Variants in SLC2A9 observed in about 807,000 individuals in gnomAD.
SLC2A9 encodes solute carrier family 2, facilitated glucose transporter member 9.
In SLC2A9, 39 loss-of-function variants were observed where a neutral mutation model predicts 50.6. The observed-to-expected ratio is 0.77, with a 90% CI of 0.60 to 1.01. The LOEUF is 1.01. Among genes scored for constraint, SLC2A9 ranks in the 50% least tolerant of loss-of-function variants. The pLI, the probability that SLC2A9 is intolerant of heterozygous loss-of-function variation, is 0.00. For synonymous variants in SLC2A9, 324 were observed against 276.9 expected (o/e 1.17, Z -1.69); for missense variants, 686 against 677.6 (o/e 1.01, Z -0.14).
At chr4:9,943,437 G>C (rs1015521832) in intron 5 of SLC2A9, among the ~76,000 whole-genome samples, 1 of 152,220 alleles carries the variant, frequency 6.6e-6, no homozygotes, top group African/African-American at 2.4e-5. Flanking sequence ...AGTTTCAGGA[G>C]GAGCTCTCGC....
chr4:10,008,352 G>C lies in SLC2A9; in HGVS notation c.249+10623C>G, dbSNP rs111936634. Among the ~76,000 whole-genome samples the C allele has an allele frequency of 3.8e-3, 575 of 152,350 alleles. 6 individuals carry two copies. The highest frequency in any genetic ancestry group is 0.013 in the African/African-American group (540 of 41,574). On this transcript the variant is annotated intron_variant, in intron 2 of 11. Transcript: ENST00000264784. ...GACACCAACGCCCCAGGCTGGAAAAGGTCCCTGGGCCCTCATCAGTCAGCA... is the reference window on the plus strand; with the variant it reads ...GACACCAACGCCCCAGGCTGGAAAACGTCCCTGGGCCCTCATCAGTCAGCA...
At chr4:9,838,481 C>T (rs1334839262) in intron 10 of SLC2A9, among the ~76,000 whole-genome samples, 1 of 152,142 alleles carries the variant, frequency 6.6e-6, no homozygotes, top group Non-Finnish European at 1.5e-5. Context: ...CATTGACATT[C>T]TTCACAGAGC....
intron 8 of SLC2A9, among the ~76,000 whole-genome samples, chr4:9,898,897 AC>A (rs1212275186): frequency 6.6e-6 from 1 of 151,996 alleles, no homozygotes; most frequent in African/African-American, 2.4e-5. Context: ...CTAGAGCCGT[AC>A]TCCGTTGAGC....
intron 8 of SLC2A9, among the ~76,000 whole-genome samples, chr4:9,894,106 T>C (rs1363886728): frequency 1.3e-5 from 2 of 152,158 alleles, no homozygotes; most frequent in Non-Finnish European, 2.9e-5. Flanking sequence ...CCTAAGGAAA[T>C]AGATGTTTGG....
rs1718133126 is a variant in SLC2A9 at position 9,780,119 on chromosome 4, G to C, written n.386-54C>G. On this transcript the variant is annotated intron_variant and non_coding_transcript_variant, in intron 3 of 3. Transcript: ENST00000503803. ...GAAAAGACCTTGCATGCCTGGCCAG[G>C]AACAGGGGCCACAGGGAGCTGATCA... 1.3e-5 allele frequency: 2 copies of C among 152,308 alleles called. 1 individual carries two copies. The highest frequency in any genetic ancestry group is 1.3e-4 in the Admixed American group (2 of 15,280). 9.4% of individuals were successfully genotyped at this position (152,308 alleles called of 1,614,324 possible).
intron 3 of SLC2A9, among the ~76,000 whole-genome samples, chr4:9,992,379 G>A (rs149265096): frequency 2.0e-5 from 3 of 152,272 alleles, no homozygotes; most frequent in African/African-American, 4.8e-5. Context: ...TTTGCTGTGG[G>A]GGTTGTCCCG....
chr4:9,843,122 C>T (rs1728365224), intron 10 of SLC2A9, among the ~76,000 whole-genome samples: 1 of 152,052 alleles, frequency 6.6e-6, no homozygotes, highest in Non-Finnish European at 1.5e-5. Flanking sequence ...TTTTGGCCTG[C>T]CACAATGTGG....
chr4:9,790,186 G>A (rs1161530430), intron 3 of SLC2A9, among the ~76,000 whole-genome samples: 1 of 152,224 alleles, frequency 6.6e-6, no homozygotes, highest in Non-Finnish European at 1.5e-5. Flanking sequence ...GAGGGACTCA[G>A]GAAGAGGAGA....
chr4:9,901,292 T>C (rs1739567206), intron 8 of SLC2A9, among the ~76,000 whole-genome samples: 1 of 152,164 alleles, frequency 6.6e-6, no homozygotes, highest in South Asian at 2.1e-4. Flanking sequence ...GTGTAGTTTC[T>C]TCTAGTCTGT....
intron 10 of SLC2A9, among the ~76,000 whole-genome samples, chr4:9,836,138 G>A (rs1727059622): frequency 6.8e-6 from 1 of 146,994 alleles, no homozygotes; most frequent in Non-Finnish European, 1.5e-5. Flanking sequence ...AACAGACTTT[G>A]GGAACTCGGG....
At chr4:10,018,906 G>A (rs1035212891) in intron 2 of SLC2A9, 69 bp downstream of exon 2, 14 of 1,460,314 alleles carry the variant, frequency 9.6e-6, no homozygotes, top group African/African-American at 1.4e-5. Flanking sequence ...CTGGAGCCCA[G>A]GGCCCTTGCG....
rs559453344 is a variant in SLC2A9 at position 9,892,697 on chromosome 4, G to C, written c.1114-1986C>G. Among the ~76,000 whole-genome samples the C allele has an allele frequency of 4.6e-5, 7 of 152,308 alleles. No individual in the cohort carries two copies. The East Asian group carries it at 7.7e-4, about 17-fold the overall frequency. On this transcript the variant is annotated intron_variant, in intron 8 of 11. Transcript: ENST00000264784. ...CTGAAATAGACTCATGAACAAAAGAGGTTGCCAATAAATGGCAGGAAATAT... is the reference window on the plus strand; with the variant it reads ...CTGAAATAGACTCATGAACAAAAGACGTTGCCAATAAATGGCAGGAAATAT...
intron 11 of SLC2A9, among the ~76,000 whole-genome samples, chr4:9,833,774 G>A (rs1726570001): frequency 6.6e-6 from 1 of 152,198 alleles, no homozygotes; most frequent in South Asian, 2.1e-4. Flanking sequence ...AAGACAGGAA[G>A]ACAGGATTGA....
chr4:10,016,094 C>A (rs904895848), intron 2 of SLC2A9, among the ~76,000 whole-genome samples: 4 of 152,190 alleles, frequency 2.6e-5, no homozygotes, highest in African/African-American at 9.7e-5. Context: ...TCTCGAGGTT[C>A]AAAGGACACC....
intron 3 of SLC2A9, among the ~76,000 whole-genome samples, chr4:9,804,983 G>A (rs1721932384): frequency 6.6e-6 from 1 of 152,194 alleles, no homozygotes; most frequent in Non-Finnish European, 1.5e-5. Flanking sequence ...GACAAAAAGA[G>A]GAGATGATGG....
intron 1 of SLC2A9, 79 bp downstream of exon 1, chr4:10,021,201 G>T: frequency 6.8e-7 from 1 of 1,471,420 alleles, no homozygotes; most frequent in Non-Finnish European, 9.5e-7. Context: ...GGCTGGGGCT[G>T]AGCACTGTCA....
rs142451746 is a variant in SLC2A9 at position 9,874,786 on chromosome 4, C to T, written c.1291+12781G>A. ...TGGGATGCTGTGTCTTTAGAAATGG[C>T]CATAAGTTAGTGTCTGTCTAATGTG... On this transcript the variant is annotated intron_variant, in intron 10 of 11. Transcript: ENST00000264784. 2.9e-3 allele frequency among the ~76,000 whole-genome samples: 434 copies of T among 152,070 alleles called. 5 individuals carry two copies. The highest frequency in any genetic ancestry group is 0.01 in the African/African-American group (426 of 41,394).
chr4:9,985,633 T>C (rs776183552), intron 4 of SLC2A9, 36 bp downstream of exon 4: 8 of 1,613,686 alleles, frequency 5.0e-6, no homozygotes, highest in Admixed American at 1.7e-5. Flanking sequence ...CCAAGGAGTA[T>C]GTTACTGTTC....
chr4:9,855,742 A>G (rs1730625848), intron 10 of SLC2A9, among the ~76,000 whole-genome samples: 2 of 152,220 alleles, frequency 1.3e-5, no homozygotes, highest in Non-Finnish European at 2.9e-5. Flanking sequence ...CCAAAACAGC[A>G]TGGTAGTGGT....
Sources: gnomAD v4.1 joint callset for allele counts (sites outside exome capture counted in the v4.1 genomes callset) on GRCh38, gnomAD v4.1.1 for gene constraint, MANE v1.5 for transcripts, NCBI Gene and HGNC (gene_info 2026-07-23, HGNC 2026-07-21) for gene names.